Variants in SLC22A2 observed in about 807,000 individuals in gnomAD.
SLC22A2 encodes the protein solute carrier family 22 member 2.
Under a neutral mutation model 60.5 loss-of-function variants are expected in SLC22A2, and 46 were observed. The observed-to-expected ratio is 0.76, with a 90% CI of 0.60 to 0.97. The LOEUF (loss-of-function observed/expected upper bound fraction) is 0.97. SLC22A2 is among the 50% of genes least tolerant of loss of function. The pLI, the probability that SLC22A2 is intolerant of heterozygous loss-of-function variation, is 0.00. For synonymous variants in SLC22A2, 303 were observed against 267.0 expected (o/e 1.13, Z -1.31); for missense variants, 701 against 706.6 (o/e 0.99, Z 0.09).
rs1306993724 is a variant in SLC22A2 at position 160,258,382 on chromosome 6, A to G, written c.376T>C (p.Trp126Arg). The change falls in exon 1 of 11, where the codon TGG (tryptophan) becomes CGG (arginine). Residue 126 changes from tryptophan (W) to arginine (R), a missense_variant. Trp to Arg is a moderately radical substitution (Grantham distance 101). Transcript: ENST00000366953. ...RLPLGPCRDG[W>R]VYETPGSSIV... ...GACGAGCCAGGCGTCTCGTACACCC[A>G]GCCGTCCCGGCAGGGGCCCAGTGGC... 4.3e-6 allele frequency: 7 copies of G among 1,613,456 alleles called. No individual in the cohort carries two copies. The highest frequency in any genetic ancestry group is 1.3e-5 in the African/African-American group (1 of 74,916).
chr6:160,249,532 T>G (rs1783151008), intron 3 of SLC22A2, 148 bp from the exon 4 acceptor site: 2 of 666,162 alleles, frequency 3.0e-6, no homozygotes, highest in Non-Finnish European at 5.1e-6. Context: ...AAGTGTTTTT[T>G]GGTTTTTATT....
intron 2 of SLC22A2, among the ~76,000 whole-genome samples, chr6:160,254,685 G>A (rs1030117878): frequency 2.0e-5 from 3 of 152,220 alleles, no homozygotes. Flanking sequence ...GACCGGCCAA[G>A]CTTCAGATGG....
At chr6:160,219,289 A>G (rs1444859273) in intron 10 of SLC22A2, among the ~76,000 whole-genome samples, 1 of 140,856 alleles carries the variant, frequency 7.1e-6, no homozygotes, top group East Asian at 2.0e-4. Flanking sequence ...CAACAGTAAT[A>G]GCAACAGCAA....
intron 5 of SLC22A2, among the ~76,000 whole-genome samples, 195 bp downstream of exon 5, chr6:160,246,989 C>T (rs1053416414): frequency 6.6e-6 from 1 of 152,276 alleles, no homozygotes; most frequent in Admixed American, 6.5e-5. Context: ...TGGTTTCCAC[C>T]TGTTTGAAAT....
rs540671703 is a variant in SLC22A2, at chr6:160,231,106, G to C, written c.1502-6302C>G. 2.0e-5 allele frequency among the ~76,000 whole-genome samples: 3 copies of C among 151,814 alleles called. No individual in the cohort carries two copies. The South Asian group carries it at 6.3e-4, about 32-fold the overall frequency. ...CACTCCACATTACCTTCTTTCCAAG[G>C]GCCTATTTCCCTTGCCTCCATAACT... On this transcript the variant is annotated intron_variant, in intron 9 of 10. Coordinates refer to ENST00000366953, the MANE Select transcript of SLC22A2 (RefSeq NM_003058.4).
At chr6:160,254,103 C>G (rs368808309) in intron 2 of SLC22A2, among the ~76,000 whole-genome samples, 1 of 152,042 alleles carries the variant, frequency 6.6e-6, no homozygotes, top group East Asian at 1.9e-4. Flanking sequence ...CATGGTGAAA[C>G]CCTGTCTCTA....
At chr6:160,244,043 G>A (rs552179053) in intron 6 of SLC22A2, 27 of 411,926 alleles carry the variant, frequency 6.6e-5, no homozygotes, top group African/African-American at 3.9e-4. Context: ...ATGTTTCCTG[G>A]ACAAATTGAA....
At chr6:160,254,901 A>G (rs1783243481) in intron 2 of SLC22A2, among the ~76,000 whole-genome samples, 1 of 152,228 alleles carries the variant, frequency 6.6e-6, no homozygotes, top group African/African-American at 2.4e-5. Flanking sequence ...GATGTGAATA[A>G]TTAACTAATT....
chr6:160,253,739 A>G (rs1161162507), intron 2 of SLC22A2, among the ~76,000 whole-genome samples: 2 of 152,226 alleles, frequency 1.3e-5, no homozygotes, highest in South Asian at 2.1e-4. Context: ...TCACTTTCCA[A>G]TGATTTTACT....
rs755405568 is a variant in SLC22A2, at chr6:160,249,342, A to C, written c.716T>G (p.Ile239Ser). 8.1e-6 allele frequency: 13 copies of C among 1,613,622 alleles called. No individual in the cohort carries two copies. Among genetic ancestry groups the C allele is most frequent in the African/African-American group, 1.3e-5 (1 of 74,906 alleles). The change falls in exon 4 of 11, where the codon ATT becomes AGT. Residue 239 changes from isoleucine to serine, a missense_variant. By Grantham distance (142) the Ile-to-Ser change is moderately radical. Transcript: ENST00000366953. ...AACTGTATAGGCAACTTGGTAAAAA[A>C]TCCCCACTGTTCTCCGATATCTCCG... ...VGRRYRRTVG[I>S]FYQVAYTVGL...
chr6:160,219,170 T>TCAGCAACAACAG (rs1451066295), intron 10 of SLC22A2, among the ~76,000 whole-genome samples: 12 of 870 alleles, frequency 0.014, no homozygotes, highest in Non-Finnish European at 0.023. Context: ...AGCAGCAACA[T>TCAGCAACAACAG]CAGCAACAAC....
At chr6:160,236,157 AC>A (rs766416487) in intron 9 of SLC22A2, among the ~76,000 whole-genome samples, 12 of 152,252 alleles carry the variant, frequency 7.9e-5, no homozygotes, top group South Asian at 4.1e-4. Flanking sequence ...CAACTATAGG[AC>A]TTTAACAGGT....
intron 10 of SLC22A2, among the ~76,000 whole-genome samples, chr6:160,223,882 C>T (rs896345579): frequency 4.6e-5 from 7 of 152,118 alleles, no homozygotes; most frequent in Admixed American, 1.3e-4. Context: ...CGCATACCAC[C>T]ACACCCAGAT....
chr6:160,230,983 C>T (rs1380627676), intron 9 of SLC22A2, among the ~76,000 whole-genome samples: 3 of 151,944 alleles, frequency 2.0e-5, no homozygotes, highest in Non-Finnish European at 1.5e-5. Flanking sequence ...TGACCAATCA[C>T]CTCGGAAGCC....
chr6:160,218,848 A>G (rs948066870), intron 10 of SLC22A2, among the ~76,000 whole-genome samples: 3 of 152,154 alleles, frequency 2.0e-5, no homozygotes, highest in Admixed American at 1.3e-4. Context: ...GAGCAACAAC[A>G]GCAGCAACAA....
intron 9 of SLC22A2, among the ~76,000 whole-genome samples, chr6:160,237,155 G>A (rs1431344266): frequency 6.6e-6 from 1 of 152,054 alleles, no homozygotes; most frequent in Non-Finnish European, 1.5e-5. Context: ...TCATTCCAAC[G>A]AGTGATTCCT....
intron 9 of SLC22A2, among the ~76,000 whole-genome samples, chr6:160,240,271 T>C (rs1241359811): frequency 6.6e-6 from 1 of 152,130 alleles, no homozygotes; most frequent in Non-Finnish European, 1.5e-5. Context: ...CCAGTTAAAT[T>C]TACATTTTAC....
At chr6:160,230,859 T>C (rs779970803) in intron 9 of SLC22A2, among the ~76,000 whole-genome samples, 15 of 152,014 alleles carry the variant, frequency 9.9e-5, no homozygotes, top group East Asian at 3.9e-4. Flanking sequence ...CCACTGGAAA[T>C]TGGACTGTCC....
intron 9 of SLC22A2, among the ~76,000 whole-genome samples, chr6:160,240,057 C>A (rs1782973086): frequency 1.3e-5 from 2 of 152,122 alleles, no homozygotes; most frequent in African/African-American, 4.8e-5. Flanking sequence ...AGGAAAATGT[C>A]CCAGTCAGTC....
Sources: allele counts gnomAD v4.1 joint callset (sites outside exome capture counted in the v4.1 genomes callset), GRCh38; gene constraint gnomAD v4.1.1; transcripts MANE v1.5; gene names NCBI Gene and HGNC (gene_info 2026-07-23, HGNC 2026-07-21).